ZCCHC14: variants seen among roughly 807,000 people sequenced by gnomAD.
ZCCHC14 encodes the protein zinc finger CCHC domain-containing protein 14.
ZCCHC14 carries 16 observed loss-of-function variants against 85.0 expected under a neutral mutation model. The ratio of observed to expected loss-of-function variants is 0.19; its 90% CI spans 0.13 to 0.29. The LOEUF is 0.29. Among genes scored for constraint, ZCCHC14 ranks in the 10% least tolerant of loss-of-function variants. The probability of loss-of-function intolerance (pLI) is 1.00; values close to 1 mark genes in which losing one functional copy is unlikely to be tolerated. For missense variants in ZCCHC14, 1,303 were observed against 1,443.5 expected, an observed-to-expected ratio of 0.90 and a Z score of 1.58; for synonymous variants, 775 against 630.7, an observed-to-expected ratio of 1.23 and a Z score of -3.43.
chr16:87,480,502 G>C (rs117714808), intron 1 of ZCCHC14, among the ~76,000 whole-genome samples: 2,522 of 152,288 alleles, frequency 0.017, 24 homozygotes, highest in Middle Eastern at 0.048. Flanking sequence ...ATGAGAGGTA[G>C]TCATTGGATA....
At chr16:87,467,597 A>G in intron 1 of ZCCHC14, 1 of 1,335,516 alleles carries the variant, frequency 7.5e-7, no homozygotes, top group Non-Finnish European at 1.1e-6. Context: ...ATAGGTGTCA[A>G]GGATCTGGAG....
intron 2 of ZCCHC14, among the ~76,000 whole-genome samples, chr16:87,434,471 TGGAGGCCACC>T (rs1273094230): frequency 1.3e-5 from 2 of 152,252 alleles, no homozygotes; most frequent in Admixed American, 1.3e-4. Flanking sequence ...TCGCTGGGTC[TGGAGGCCACC>T]TGGCCGCGTG....
chr16:87,489,643 C>A (rs1164373388), intron 1 of ZCCHC14, among the ~76,000 whole-genome samples: 3 of 152,186 alleles, frequency 2.0e-5, no homozygotes, highest in Non-Finnish European at 2.9e-5. Context: ...GGTTGCACGG[C>A]TGGTAAATTC....
intron 2 of ZCCHC14, among the ~76,000 whole-genome samples, chr16:87,434,571 T>C (rs1909820710): frequency 6.6e-6 from 1 of 152,246 alleles, no homozygotes; most frequent in South Asian, 2.1e-4. Flanking sequence ...GAACTGTGAA[T>C]GTGACACTTC....
chr16:87,451,111 G>T (rs1261040058), intron 2 of ZCCHC14, among the ~76,000 whole-genome samples: 5 of 150,700 alleles, frequency 3.3e-5, no homozygotes, highest in Admixed American at 6.6e-5. Context: ...CATTAGCCAG[G>T]CTGGTCTCAA....
intron 1 of ZCCHC14, among the ~76,000 whole-genome samples, chr16:87,464,166 T>C (rs190596388): frequency 1.3e-3 from 199 of 152,202 alleles, no homozygotes; most frequent in Non-Finnish European, 2.1e-3. Flanking sequence ...CTCAGCCTGC[T>C]AGGGGAGGAA....
chr16:87,484,872 T>C (rs994288457), intron 1 of ZCCHC14, among the ~76,000 whole-genome samples: 2 of 151,916 alleles, frequency 1.3e-5, no homozygotes, highest in East Asian at 1.9e-4. Flanking sequence ...AGGTCAAAGA[T>C]TGGATTGAAG....
chr16:87,443,339 A>AT (rs1055751454), intron 2 of ZCCHC14, among the ~76,000 whole-genome samples: 33 of 152,082 alleles, frequency 2.2e-4, no homozygotes, highest in African/African-American at 7.5e-4. Context: ...CAAGAAACCT[A>AT]TTTTTTTTAA....
At chr16:87,417,436 C>T (rs548278462) in intron 8 of ZCCHC14, 24 bp downstream of exon 8, 26 of 1,608,400 alleles carry the variant, frequency 1.6e-5, no homozygotes, top group South Asian at 4.4e-5. Flanking sequence ...CAATTCTGTA[C>T]GGCCAGCCAG....
chr16:87,445,126 G>C (rs7201784), intron 2 of ZCCHC14, among the ~76,000 whole-genome samples: 5,760 of 151,298 alleles, frequency 0.038, 144 homozygotes, highest in Middle Eastern at 0.12. Context: ...GAGTGCAGCG[G>C]TGTGATATCA....
intron 3 of ZCCHC14, among the ~76,000 whole-genome samples, chr16:87,424,454 A>G (rs1909265076): frequency 6.6e-6 from 1 of 152,128 alleles, no homozygotes; most frequent in South Asian, 2.1e-4. Context: ...GAGCAGTGAA[A>G]AGGGCTTTCT....
In ZCCHC14 at chr16:87,411,750, A is replaced by G; in HGVS notation, c.2971T>C (p.Tyr991His). The change falls in exon 12 of 13, where the codon TAC (tyrosine) becomes CAC (histidine). Residue 991 changes from tyrosine to histidine, a missense_variant. This residue lies in a region of ZCCHC14 where 797 missense variants were observed against 730.8 expected (regional missense o/e 1.09). Transcript: ENST00000671377. The part of the protein sequence containing the change: ...GSTFPVVHAP[Y>H]SSSGTPDPVL... ...GGGTCTGGGGTCCCGCTGCTGCTGTAAGGGGCGTGCACGACGGGGAAGGTG... is the reference window on the plus strand; with the variant it reads ...GGGTCTGGGGTCCCGCTGCTGCTGTGAGGGGCGTGCACGACGGGGAAGGTG... 1 of 1,612,696 alleles carries G rather than the reference A, an allele frequency of 6.2e-7. No individual in the cohort carries two copies. Among genetic ancestry groups the G allele is most frequent in the South Asian group, 1.1e-5 (1 of 91,060 alleles).
intron 7 of ZCCHC14, among the ~76,000 whole-genome samples, chr16:87,418,170 C>A (rs1908894910): frequency 6.6e-6 from 1 of 152,204 alleles, no homozygotes; most frequent in African/African-American, 2.4e-5. Flanking sequence ...TTCTAAGTCA[C>A]AGAATGACAC....
chr16:87,420,926 G>T lies in ZCCHC14; in HGVS notation c.841-210C>A, dbSNP rs868475235. 6.6e-6 allele frequency among the ~76,000 whole-genome samples: 1 copy of T among 152,216 alleles called. No homozygotes were observed. Among genetic ancestry groups the T allele is most frequent in the Non-Finnish European group, 1.5e-5 (1 of 68,046 alleles). ...GAACATCGCTCTCACAGTTACATCC[G>T]GAAAAGCTTGACAATCTGCACAATC... On this transcript the variant is annotated intron_variant, in intron 4 of 12. Coordinates refer to ENST00000671377, the MANE Select transcript of ZCCHC14 (RefSeq NM_015144.3). The surrounding 1 kb of genome is among the most constrained non-coding windows in gnomAD (Gnocchi z 5.0).
intron 2 of ZCCHC14, among the ~76,000 whole-genome samples, chr16:87,453,205 C>T (rs1345251589): frequency 1.3e-5 from 2 of 152,170 alleles, no homozygotes; most frequent in African/African-American, 2.4e-5. Flanking sequence ...ACGCAGAGCC[C>T]GACTAGGGGC....
At position 87,491,891 on chromosome 16, in the gene ZCCHC14, G is replaced by C; in HGVS notation, c.348C>G (p.Ile116Met). 6.5e-7 allele frequency: 1 copy of C among 1,538,924 alleles called. No homozygotes were observed. The highest frequency in any genetic ancestry group is 8.7e-7 in the Non-Finnish European group (1 of 1,150,634). The change falls in exon 1 of 13, where the codon ATC becomes ATG. Residue 116 changes from isoleucine (I) to methionine (M), a missense_variant. Physicochemically the swap from Ile to Met is conservative, Grantham distance 10. Around this residue, in one of 7 missense-constraint regions of ZCCHC14, gnomAD observed 19 missense variants for 55.1 expected, o/e 0.34. Transcript: ENST00000671377. This position sits in a 1 kb window ranked among gnomAD's most constrained non-coding sequence, Gnocchi z 5.9. Reference sequence around the variant, plus strand: ...CGTTAAGCTGCAGCCCGTAGTTGTGGATGATGGAGTCGATGTGCGTGAGCG... The same window carrying C: ...CGTTAAGCTGCAGCCCGTAGTTGTGCATGATGGAGTCGATGTGCGTGAGCG... Reference protein sequence around the residue: ...YRTLTHIDSIIHNYGLQLNEG... With the variant: ...YRTLTHIDSIMHNYGLQLNEG...
intron 1 of ZCCHC14, among the ~76,000 whole-genome samples, chr16:87,463,756 G>C (rs909817240): frequency 2.4e-4 from 37 of 152,334 alleles, no homozygotes; most frequent in Middle Eastern, 3.4e-3. Flanking sequence ...GCGGGAGGTG[G>C]AGGTTGCAGT....
rs1244315056 is a variant in ZCCHC14, at chr16:87,492,331, C to T, written c.-93G>A. 23 of 406,542 alleles carry T rather than the reference C, an allele frequency of 5.7e-5. No individual in the cohort carries two copies. The highest frequency in any genetic ancestry group is 4.2e-4 in the African/African-American group (19 of 44,738). 25.2% of individuals were successfully genotyped at this position (406,542 alleles called of 1,614,324 possible). A position where few individuals can be genotyped will look rare whatever the true frequency, so the allele number is the denominator to read the frequency against. ...GGCCGCGGCCGGGGCGCGCCGGGAC[C>T]GGGGACGCGCGGGCCGGGGCCGGGT... On this transcript the variant is annotated 5_prime_UTR_variant, in exon 1 of 13. Coordinates refer to ENST00000671377, the MANE Select transcript of ZCCHC14 (RefSeq NM_015144.3). The surrounding 1 kb of genome is among the most constrained non-coding windows in gnomAD (Gnocchi z 6.7).
At chr16:87,475,812 G>T (rs868305620) in intron 1 of ZCCHC14, among the ~76,000 whole-genome samples, 8 of 152,264 alleles carry the variant, frequency 5.3e-5, no homozygotes, top group African/African-American at 1.9e-4. Flanking sequence ...TAAGGAGAGA[G>T]AGATTGAGGC....
Sources: gnomAD v4.1 joint callset for allele counts (sites outside exome capture counted in the v4.1 genomes callset) on GRCh38, gnomAD v4.1.1 for gene constraint, gnomAD v4.1.1 regional missense constraint, Gnocchi (gnomAD v3.1) non-coding constraint, MANE v1.5 for transcripts, NCBI Gene and HGNC (gene_info 2026-07-23, HGNC 2026-07-21) for gene names.